PREP: variants seen among roughly 807,000 people sequenced by gnomAD.
PREP encodes prolyl endopeptidase.
PREP carries 29 observed loss-of-function variants against 87.6 expected under a neutral mutation model. The ratio of observed to expected loss-of-function variants is 0.33; its 90% CI spans 0.25 to 0.45. The LOEUF (loss-of-function observed/expected upper bound fraction) is 0.45, where lower values mean the gene tolerates loss of function less well. Ranked by LOEUF, PREP falls within the 20% of genes least tolerant of loss-of-function variation. The probability of loss-of-function intolerance (pLI) is 1.00; values close to 1 mark genes in which losing one functional copy is unlikely to be tolerated. For synonymous variants in PREP, 337 were observed against 328.6 expected, an observed-to-expected ratio of 1.03 and a Z score of -0.28; for missense variants, 695 against 886.5, an observed-to-expected ratio of 0.78 and a Z score of 2.74.
At chr6:105,390,282 T>C (rs1160025341) in intron 2 of PREP, among the ~76,000 whole-genome samples, 1 of 152,240 alleles carries the variant, frequency 6.6e-6, no homozygotes, top group Admixed American at 6.5e-5. Flanking sequence ...AATCTACATT[T>C]ATATTCCTTT....
At chr6:105,295,949 C>A (rs975625608) in intron 10 of PREP, among the ~76,000 whole-genome samples, 2 of 152,044 alleles carry the variant, frequency 1.3e-5, no homozygotes, top group Non-Finnish European at 2.9e-5. Context: ...GGAATAAATT[C>A]CTTTTAGATA....
At chr6:105,355,251 A>G (rs1772066194) in intron 6 of PREP, among the ~76,000 whole-genome samples, 1 of 151,932 alleles carries the variant, frequency 6.6e-6, no homozygotes, top group South Asian at 2.1e-4. Flanking sequence ...ATGCTCAGCT[A>G]ATTTTTGTAT....
At position 105,384,138 on chromosome 6, in the gene PREP, G is replaced by A. The variant is rs547830483; in HGVS notation, c.121-6619C>T. The stretch of plus-strand genomic sequence containing the variant: ...TGATAGTTGGGGAAAGGGTGTGACC[G>A]CTGCTGGCCAATCAGAATGTCCCTC... On this transcript the variant is annotated intron_variant, in intron 2 of 14. Transcript: ENST00000652536. Among the ~76,000 whole-genome samples the A allele has an allele frequency of 3.3e-4, 50 of 152,202 alleles. No homozygotes were observed. In the South Asian group the frequency reaches 9.1e-3, roughly 28 times the overall value.
At chr6:105,333,701 A>G (rs4452677) in intron 7 of PREP, among the ~76,000 whole-genome samples, 196 bp from the exon 8 acceptor site, 26,542 of 152,056 alleles carry the variant, frequency 0.17, 2,526 homozygotes, top group African/African-American at 0.25. Context: ...TGAAAAACCC[A>G]GCAAGGACGG....
intron 10 of PREP, among the ~76,000 whole-genome samples, chr6:105,308,874 T>A (rs1421056343): frequency 1.3e-5 from 2 of 151,894 alleles, no homozygotes; most frequent in East Asian, 3.9e-4. Flanking sequence ...ATGAGTGCAA[T>A]GGAGATACGG....
At chr6:105,362,635 G>A (rs1772283824) in intron 6 of PREP, among the ~76,000 whole-genome samples, 1 of 152,164 alleles carries the variant, frequency 6.6e-6, no homozygotes, top group Admixed American at 6.5e-5. Flanking sequence ...TCACATCCAC[G>A]TCTCTAGCTT....
intron 7 of PREP, among the ~76,000 whole-genome samples, chr6:105,349,107 C>T (rs889864620): frequency 6.6e-6 from 1 of 152,102 alleles, no homozygotes; most frequent in Non-Finnish European, 1.5e-5. Context: ...TACAGTGATG[C>T]ATGAGGTGAG....
At chr6:105,349,511 T>C (rs1771885322) in intron 7 of PREP, among the ~76,000 whole-genome samples, 1 of 152,216 alleles carries the variant, frequency 6.6e-6, no homozygotes, top group African/African-American at 2.4e-5. Context: ...CATTTCAAAA[T>C]GCACGTGGGC....
At chr6:105,343,107 C>T (rs561720915) in intron 7 of PREP, among the ~76,000 whole-genome samples, 46 of 152,292 alleles carry the variant, frequency 3.0e-4, no homozygotes, top group Middle Eastern at 3.4e-3. Flanking sequence ...GGAGGCATCA[C>T]GCTACCTGAC....
chr6:105,288,396 G>C (rs574039734), intron 11 of PREP, among the ~76,000 whole-genome samples: 1 of 152,334 alleles, frequency 6.6e-6, no homozygotes, highest in Non-Finnish European at 1.5e-5. Flanking sequence ...TGTTGCCTAG[G>C]CTGGAGCGCA....
At chr6:105,282,049 C>T (rs1770093706) in intron 13 of PREP, 147 bp from the exon 14 acceptor site, 6 of 959,926 alleles carry the variant, frequency 6.3e-6, no homozygotes, top group Non-Finnish European at 9.0e-6. Flanking sequence ...AATCACCTGC[C>T]CAATAGCCCC....
At chr6:105,280,190 G>A (rs1391946279) in intron 14 of PREP, among the ~76,000 whole-genome samples, 1 of 152,154 alleles carries the variant, frequency 6.6e-6, no homozygotes, top group Non-Finnish European at 1.5e-5. Flanking sequence ...CAGCTACTCA[G>A]GTGGCTGAAG....
Position 105,323,758 on chromosome 6 carries a change from A to G in PREP, c.1224T>C (p.Tyr408=). ...FTSFLSPGII[Y]HCDLTKEELE... is the part of the protein sequence containing the mutation. ...GCTCCTCTTTGGTAAGATCACAGTGATAAATGATACCTAAAAAGTAGAATA... is the reference window on the plus strand; with the variant it reads ...GCTCCTCTTTGGTAAGATCACAGTGGTAAATGATACCTAAAAAGTAGAATA... The change falls in exon 10 of 15, where the codon TAT becomes TAC. Residue 408 remains tyrosine, a synonymous_variant. Coordinates refer to ENST00000652536, the MANE Select transcript of PREP (RefSeq NM_002726.5). The G allele has an allele frequency of 6.2e-7, 1 of 1,611,968 alleles. No individual in the cohort carries two copies.
chr6:105,395,883 C>T (rs1250452616), intron 2 of PREP, among the ~76,000 whole-genome samples: 1 of 152,234 alleles, frequency 6.6e-6, no homozygotes, highest in East Asian at 1.9e-4. Flanking sequence ...TTCATCCTTT[C>T]CCTGGTGCTT....
chr6:105,335,860 C>T (rs1258278379), intron 7 of PREP, among the ~76,000 whole-genome samples: 3 of 152,090 alleles, frequency 2.0e-5, no homozygotes, highest in Admixed American at 6.5e-5. Context: ...GATTGCACCA[C>T]TGCACTCCAG....
At chr6:105,351,891 T>G (rs987023876) in intron 7 of PREP, among the ~76,000 whole-genome samples, 1 of 152,186 alleles carries the variant, frequency 6.6e-6, no homozygotes, top group South Asian at 2.1e-4. Context: ...TCAGTTTTAT[T>G]AAATGGATAT....
At chr6:105,355,996 T>C (rs1772089927) in intron 6 of PREP, among the ~76,000 whole-genome samples, 1 of 152,216 alleles carries the variant, frequency 6.6e-6, no homozygotes, top group South Asian at 2.1e-4. Flanking sequence ...ATGATAGCTT[T>C]TTATAAGTCC....
chr6:105,374,457 T>C (rs1186009988), intron 4 of PREP, among the ~76,000 whole-genome samples: 1 of 151,894 alleles, frequency 6.6e-6, no homozygotes, highest in Non-Finnish European at 1.5e-5. Context: ...TTCCTATTCT[T>C]TTACGTGGAA....
At chr6:105,281,525 T>G (rs1041770437) in intron 14 of PREP, 1 of 479,592 alleles carries the variant, frequency 2.1e-6, no homozygotes, top group Non-Finnish European at 3.6e-6. Flanking sequence ...TGGGAGGCCA[T>G]CTGTAGAATT....
Sources: gnomAD v4.1 joint callset for allele counts (sites outside exome capture counted in the v4.1 genomes callset) on GRCh38, gnomAD v4.1.1 for gene constraint, MANE v1.5 for transcripts, NCBI Gene and HGNC (gene_info 2026-07-23, HGNC 2026-07-21) for gene names.